TAFA2: variants seen among roughly 807,000 people sequenced by gnomAD.
The protein encoded by TAFA2 is TAFA chemokine like family member 2, also known as chemokine-like protein TAFA-2.
TAFA2 carries 7 observed loss-of-function variants against 18.8 expected under a neutral mutation model. The observed-to-expected ratio is 0.37, with a 90% CI of 0.21 to 0.70. The LOEUF (loss-of-function observed/expected upper bound fraction) is 0.70, where lower values mean the gene tolerates loss of function less well. TAFA2 is among the 30% of genes least tolerant of loss of function. The probability of loss-of-function intolerance (pLI) is 0.53; values close to 1 mark genes in which losing one functional copy is unlikely to be tolerated. For synonymous variants in TAFA2, 60 were observed against 54.2 expected, an observed-to-expected ratio of 1.11 and a Z score of -0.47; for missense variants, 122 against 158.1, an observed-to-expected ratio of 0.77 and a Z score of 1.23.
At chr12:62,114,284 C>T (rs1161363042) in intron 1 of TAFA2, among the ~76,000 whole-genome samples, 1 of 152,114 alleles carries the variant, frequency 6.6e-6, no homozygotes, top group Non-Finnish European at 1.5e-5. Flanking sequence ...TAAGGTGATG[C>T]CCCACCCTGC....
chr12:61,853,049 G>A (rs1873739475), intron 2 of TAFA2, among the ~76,000 whole-genome samples: 1 of 152,142 alleles, frequency 6.6e-6, no homozygotes, highest in African/African-American at 2.4e-5. Context: ...TCTCAAGTGT[G>A]CTTACCATAC....
chr12:62,058,947 C>CA (rs1437426855), intron 1 of TAFA2, among the ~76,000 whole-genome samples: 4 of 151,938 alleles, frequency 2.6e-5, no homozygotes, highest in Admixed American at 2.0e-4. Flanking sequence ...ACTAAAAATA[C>CA]AAAAAATTAG....
rs188591639 is a variant in TAFA2, at chr12:61,974,349, T to C, written c.-1-106923A>G. Among the ~76,000 whole-genome samples the C allele has an allele frequency of 2.4e-3, 358 of 151,930 alleles. 4 individuals carry two copies. The highest frequency in any genetic ancestry group is 8.3e-3 in the African/African-American group (343 of 41,510). ...AAGCAAGAAAAGGTCATCTCTTATC[T>C]CTAATTCCAATTCTAAGCAGTAGTT... On this transcript the variant is annotated intron_variant, in intron 1 of 4. Transcript: ENST00000416284.
At chr12:61,903,076 C>T (rs1484286132) in intron 1 of TAFA2, among the ~76,000 whole-genome samples, 1 of 152,132 alleles carries the variant, frequency 6.6e-6, no homozygotes, top group East Asian at 1.9e-4. Flanking sequence ...CTATTCTTCA[C>T]CACACAATTC....
Position 62,124,558 on chromosome 12 carries a change from G to T in TAFA2, c.-2+66701C>A, listed in dbSNP as rs1870368648. 2.0e-5 allele frequency among the ~76,000 whole-genome samples: 3 copies of T among 152,122 alleles called. No homozygotes were observed. The South Asian group carries it at 6.2e-4, about 32-fold the overall frequency. ...AGGAAATGTTATCTCTCATTGAATTGATTTGGTGTTTATTATAAAAGGAGA... is the reference window on the plus strand; with the variant it reads ...AGGAAATGTTATCTCTCATTGAATTTATTTGGTGTTTATTATAAAAGGAGA... On this transcript the variant is annotated intron_variant, in intron 1 of 4. Transcript: ENST00000416284.
chr12:62,107,047 G>T (rs764659037), intron 1 of TAFA2, among the ~76,000 whole-genome samples: 4 of 152,060 alleles, frequency 2.6e-5, no homozygotes, highest in Non-Finnish European at 4.4e-5. Context: ...GCAGAGTTTT[G>T]ATTTCATTTT....
At chr12:61,885,685 G>C (rs1875343820) in intron 1 of TAFA2, among the ~76,000 whole-genome samples, 1 of 152,150 alleles carries the variant, frequency 6.6e-6, no homozygotes, top group Admixed American at 6.5e-5. Context: ...GAAGGCAATG[G>C]TATGCTGGAA....
chr12:61,790,751 A>G (rs1870941194), intron 2 of TAFA2, among the ~76,000 whole-genome samples: 1 of 151,878 alleles, frequency 6.6e-6, no homozygotes, highest in Non-Finnish European at 1.5e-5. Context: ...CTTGTTCATG[A>G]ACTTGAAGAA....
At chr12:61,759,964 G>A (rs1249094459) in intron 2 of TAFA2, among the ~76,000 whole-genome samples, 1 of 151,788 alleles carries the variant, frequency 6.6e-6, no homozygotes, top group Non-Finnish European at 1.5e-5. Flanking sequence ...GGGAAAGAGA[G>A]GTATGCCCTC....
intron 1 of TAFA2, among the ~76,000 whole-genome samples, chr12:62,075,387 G>A (rs1028868182): frequency 1.3e-5 from 2 of 152,168 alleles, no homozygotes; most frequent in Non-Finnish European, 2.9e-5. Flanking sequence ...CTCTTTTGCA[G>A]TTAGGCATGG....
chr12:62,189,939 T>TC (rs1565774957), intron 1 of TAFA2, among the ~76,000 whole-genome samples: 10 of 133,236 alleles, frequency 7.5e-5, no homozygotes, highest in Non-Finnish European at 1.3e-4. Flanking sequence ...ATGAGTTTGC[T>TC]TTGTGTGTGT....
chr12:62,010,694 G>A (rs371038035), intron 1 of TAFA2, among the ~76,000 whole-genome samples: 196 of 142,350 alleles, frequency 1.4e-3, no homozygotes, highest in African/African-American at 4.7e-3. Flanking sequence ...CAGCTGCCCC[G>A]TCTGGGAAGT....
chr12:61,733,283 C>A (rs1868253150), intron 4 of TAFA2, among the ~76,000 whole-genome samples: 1 of 151,936 alleles, frequency 6.6e-6, no homozygotes, highest in African/African-American at 2.4e-5. Context: ...TTAATTAGAT[C>A]CCATTTGTCA....
chr12:62,151,101 T>C (rs1221152762), intron 1 of TAFA2, among the ~76,000 whole-genome samples: 2 of 152,204 alleles, frequency 1.3e-5, no homozygotes, highest in Non-Finnish European at 2.9e-5. Flanking sequence ...ACATAAGTTA[T>C]TAACATTATT....
Position 61,836,756 on chromosome 12 carries a change from T to TATATATACAC in TAFA2, c.106+30563_106+30564insGTGTATATAT, listed in dbSNP as rs68158949. Among the ~76,000 whole-genome samples, 102 of 119,828 alleles carry TATATATACAC rather than the reference T, an allele frequency of 8.5e-4. 1 individual carries two copies. Among genetic ancestry groups the TATATATACAC allele is most frequent in the African/African-American group, 2.5e-3 (91 of 36,036 alleles). The allele number at this position is 119,828 out of a possible 152,430, so 78.6% of individuals were successfully genotyped here. A position where few individuals can be genotyped will look rare whatever the true frequency, so the allele number is the denominator to read the frequency against. ...TGATATATATATATATATATATATA[T>TATATATACAC]ACACACACACACACAAATACATATA... is the stretch of plus-strand genomic sequence containing the variant. On this transcript the variant is annotated intron_variant, in intron 2 of 4. Transcript: ENST00000416284.
chr12:62,108,760 T>C (rs1323816121), intron 1 of TAFA2, among the ~76,000 whole-genome samples: 3 of 152,214 alleles, frequency 2.0e-5, no homozygotes, highest in African/African-American at 4.8e-5. Context: ...TTTTTACATA[T>C]GTTTTTTGGC....
chr12:62,048,642 T>C (rs1881970973), intron 1 of TAFA2, among the ~76,000 whole-genome samples: 4 of 152,230 alleles, frequency 2.6e-5, no homozygotes, highest in South Asian at 2.1e-4. Context: ...CATAATGTTG[T>C]TATATCAAAT....
intron 1 of TAFA2, among the ~76,000 whole-genome samples, chr12:61,999,135 G>A (rs1055169303): frequency 2.0e-5 from 3 of 152,164 alleles, no homozygotes; most frequent in African/African-American, 7.2e-5. Context: ...ATCTTAATAT[G>A]AGAGGAAACA....
chr12:62,157,089 T>G (rs1046252004), intron 1 of TAFA2, among the ~76,000 whole-genome samples: 2 of 152,136 alleles, frequency 1.3e-5, no homozygotes, highest in Non-Finnish European at 2.9e-5. Context: ...AGTTTGTGAA[T>G]TAAAATGCCT....
Sources: gnomAD v4.1 joint callset for allele counts (sites outside exome capture counted in the v4.1 genomes callset) on GRCh38, gnomAD v4.1.1 for gene constraint, MANE v1.5 for transcripts, NCBI Gene and HGNC (gene_info 2026-07-23, HGNC 2026-07-21) for gene names.